Variants in LIMCH1 observed in about 807,000 individuals in gnomAD.
LIMCH1 encodes LIM and calponin homology domains-containing protein 1.
Under a neutral mutation model 176.5 loss-of-function variants are expected in LIMCH1, and 113 were observed. The observed-to-expected ratio is 0.64, with a 90% CI of 0.55 to 0.75. The LOEUF (loss-of-function observed/expected upper bound fraction) is 0.75, where lower values mean the gene tolerates loss of function less well. Among genes scored for constraint, LIMCH1 ranks in the 30% least tolerant of loss-of-function variants. The probability of loss-of-function intolerance (pLI) is 0.00; values close to 1 mark genes in which losing one functional copy is unlikely to be tolerated. For missense variants in LIMCH1, 1,674 were observed against 1,814.9 expected, an observed-to-expected ratio of 0.92 and a Z score of 1.41; for synonymous variants, 619 against 645.9, an observed-to-expected ratio of 0.96 and a Z score of 0.63.
intron 22 of LIMCH1, among the ~76,000 whole-genome samples, chr4:41,673,601 A>G (rs1188019747): frequency 6.6e-6 from 1 of 152,156 alleles, no homozygotes; most frequent in Non-Finnish European, 1.5e-5. Context: ...ATTTTTGGTC[A>G]GTCTTGGAGT....
intron 1 of LIMCH1, among the ~76,000 whole-genome samples, chr4:41,472,263 C>T (rs939610962): frequency 3.5e-4 from 54 of 152,316 alleles, no homozygotes; most frequent in Admixed American, 6.5e-4. Flanking sequence ...CACATGTAGG[C>T]GCCTGTTTGG....
chr4:41,515,417 C>G (rs2075457790), intron 2 of LIMCH1, among the ~76,000 whole-genome samples: 2 of 152,234 alleles, frequency 1.3e-5, no homozygotes, highest in Non-Finnish European at 2.9e-5. Flanking sequence ...TCTAACCTAG[C>G]CTTAGCCACA....
chr4:41,678,420 G>C (rs13109811), intron 23 of LIMCH1, among the ~76,000 whole-genome samples: 86,293 of 151,856 alleles, frequency 0.57, 25,376 homozygotes, highest in African/African-American at 0.66. Context: ...ATCAAAATCT[G>C]GGGGCTACTG....
At chr4:41,526,320 T>A (rs1179046124) in intron 3 of LIMCH1, among the ~76,000 whole-genome samples, 1 of 150,862 alleles carries the variant, frequency 6.6e-6, no homozygotes, top group Non-Finnish European at 1.5e-5. Flanking sequence ...TCACCCTGTA[T>A]CATTTATATT....
At chr4:41,530,932 C>T (rs1261296868) in intron 3 of LIMCH1, among the ~76,000 whole-genome samples, 1 of 147,996 alleles carries the variant, frequency 6.8e-6, no homozygotes, top group African/African-American at 2.6e-5. Flanking sequence ...TACCCTGCCC[C>T]AGGTGCAGTG....
chr4:41,646,029 T>A, intron 15 of LIMCH1, 94 bp from the exon 16 acceptor site: 1 of 1,297,322 alleles, frequency 7.7e-7, no homozygotes, highest in Non-Finnish European at 1.1e-6. Context: ...CATAGTCAGT[T>A]CTCTAAAGAG....
At chr4:41,481,021 A>T (rs1014139990) in intron 1 of LIMCH1, among the ~76,000 whole-genome samples, 2 of 145,788 alleles carry the variant, frequency 1.4e-5, no homozygotes, top group Admixed American at 6.9e-5. Context: ...TCTTAATTAG[A>T]TTTTTTTTTT....
intron 1 of LIMCH1, among the ~76,000 whole-genome samples, chr4:41,554,586 T>C (rs1365793895): frequency 1.3e-5 from 2 of 152,166 alleles, no homozygotes; most frequent in Non-Finnish European, 2.9e-5. Context: ...GTTATTAATT[T>C]AGGCTGAGAT....
At chr4:41,569,767 C>CA (rs1282333605) in intron 1 of LIMCH1, among the ~76,000 whole-genome samples, 1 of 152,074 alleles carries the variant, frequency 6.6e-6, no homozygotes, top group African/African-American at 2.4e-5. Flanking sequence ...ATAAGGACTC[C>CA]AAAAATGCCA....
intron 1 of LIMCH1, among the ~76,000 whole-genome samples, chr4:41,567,547 T>C (rs1038988233): frequency 2.0e-5 from 3 of 152,170 alleles, no homozygotes; most frequent in African/African-American, 7.2e-5. Context: ...AACTACCTAC[T>C]TAGGGTTAGG....
In LIMCH1 at chr4:41,606,016, T is replaced by C. The variant is rs779400048; in HGVS notation, c.9+12T>C. The stretch of plus-strand genomic sequence containing the variant: ...CTCAGATGCGAAAGGTAACTTGGCT[T>C]TTCTTCTTTATCCCATAAGCGTTAG... On this transcript the variant is annotated intron_variant, in intron 4 of 31. Coordinates refer to ENST00000503057, the MANE Select transcript of LIMCH1 (RefSeq NM_001330672.2). 5.7e-6 allele frequency: 9 copies of C among 1,581,980 alleles called. No homozygotes were observed. The East Asian group carries it at 2.0e-4, about 35-fold the overall frequency.
chr4:41,407,000 G>A (rs1420258020), intron 1 of LIMCH1, among the ~76,000 whole-genome samples: 2 of 152,108 alleles, frequency 1.3e-5, no homozygotes, highest in Admixed American at 6.5e-5. Context: ...CTAGGCATAT[G>A]CACCTATCAT....
intron 1 of LIMCH1, among the ~76,000 whole-genome samples, chr4:41,391,933 G>C (rs1000551595): frequency 3.3e-5 from 5 of 152,220 alleles, no homozygotes; most frequent in Admixed American, 3.3e-4. Flanking sequence ...ATTAGAGGAA[G>C]CTGGATAAAG....
chr4:41,656,573 G>A lies in LIMCH1; in HGVS notation c.3037-4847G>A, dbSNP rs111398423. ...TACAAAAAAAAGTTTAAGACATGGA[G>A]AGCCTGATTCTCCATATAGATTCCC... On this transcript the variant is annotated intron_variant, in intron 18 of 31. Transcript: ENST00000503057. Among the ~76,000 whole-genome samples, 1,115 of 152,154 alleles carry A rather than the reference G, an allele frequency of 7.3e-3. 18 individuals are homozygous for A. The highest frequency in any genetic ancestry group is 0.026 in the African/African-American group (1,067 of 41,486).
intron 1 of LIMCH1, among the ~76,000 whole-genome samples, chr4:41,564,468 G>T (rs1211503887): frequency 6.6e-6 from 1 of 152,192 alleles, no homozygotes; most frequent in African/African-American, 2.4e-5. Context: ...TTAAGGGTCT[G>T]TGCTTGGTTC....
intron 1 of LIMCH1, among the ~76,000 whole-genome samples, chr4:41,582,221 A>T (rs2085614502): frequency 6.6e-6 from 1 of 152,194 alleles, no homozygotes; most frequent in Admixed American, 6.5e-5. Flanking sequence ...ACGAAGCCAC[A>T]GGCTTTAACC....
intron 1 of LIMCH1, among the ~76,000 whole-genome samples, chr4:41,462,734 A>G (rs1353488162): frequency 6.6e-6 from 1 of 152,224 alleles, no homozygotes; most frequent in Non-Finnish European, 1.5e-5. Context: ...TGGAGTAAAT[A>G]CCAGTGTTTG....
chr4:41,597,363 A>T (rs1408578248), intron 1 of LIMCH1, among the ~76,000 whole-genome samples: 1 of 152,206 alleles, frequency 6.6e-6, no homozygotes, highest in African/African-American at 2.4e-5. Flanking sequence ...TCTTGGAATA[A>T]TGCATGGTGA....
chr4:41,459,550 C>G (rs1252354548), intron 1 of LIMCH1, among the ~76,000 whole-genome samples: 1 of 152,192 alleles, frequency 6.6e-6, no homozygotes, highest in Non-Finnish European at 1.5e-5. Context: ...AGTCCTCCTG[C>G]CTCAGCCTCC....
Sources: gnomAD v4.1 joint callset for allele counts (sites outside exome capture counted in the v4.1 genomes callset) on GRCh38, gnomAD v4.1.1 for gene constraint, MANE v1.5 for transcripts, NCBI Gene and HGNC (gene_info 2026-07-23, HGNC 2026-07-21) for gene names.